IGF1R: variants seen among roughly 807,000 people sequenced by gnomAD.
IGF1R encodes the protein insulin like growth factor 1 receptor.
A neutral mutation model predicts 144.6 loss-of-function variants in IGF1R; 44 were observed. That is an observed-to-expected ratio of 0.30 (90% CI 0.24 to 0.39). The LOEUF (loss-of-function observed/expected upper bound fraction) is 0.39. Ranked by LOEUF, IGF1R falls within the 10% of genes least tolerant of loss-of-function variation. IGF1R has a pLI of 1.00. For synonymous variants in IGF1R, 795 were observed against 722.8 expected, an observed-to-expected ratio of 1.10 and a Z score of -1.60; for missense variants, 1,355 against 1,833.7, an observed-to-expected ratio of 0.74 and a Z score of 4.77.
chr15:98,649,525 C>CTTTTTTTTTTTTTTTTT lies in IGF1R; in HGVS notation c.-49_-33dup, dbSNP rs544674838. ...TCATTTCCTTTTTTTCTTTTCTTTT[C>CTTTTTTTTTTTTTTTTT]TTTTTTTTTTTTTTTTTTTTTTTTG... On this transcript the variant is annotated 5_prime_UTR_variant, in exon 1 of 21. Transcript: ENST00000650285. 6.5e-5 allele frequency: 47 copies of CTTTTTTTTTTTTTTTTT among 726,200 alleles called. No individual in the cohort carries two copies. Among genetic ancestry groups the CTTTTTTTTTTTTTTTTT allele is most frequent in the South Asian group, 1.8e-4 (10 of 56,204 alleles). 45.0% of individuals were successfully genotyped at this position (726,200 alleles called of 1,614,324 possible). A position where few individuals can be genotyped will look rare whatever the true frequency, so the allele number is the denominator to read the frequency against.
intron 2 of IGF1R, among the ~76,000 whole-genome samples, chr15:98,827,177 CAATG>C (rs1286308984): frequency 1.3e-5 from 2 of 152,138 alleles, no homozygotes; most frequent in African/African-American, 4.8e-5. Flanking sequence ...ATAAACATGA[CAATG>C]AAGTCTCATG....
chr15:98,859,760 C>T (rs1209720483), intron 2 of IGF1R, among the ~76,000 whole-genome samples: 1 of 152,086 alleles, frequency 6.6e-6, no homozygotes, highest in Non-Finnish European at 1.5e-5. Flanking sequence ...GATGTCCTAG[C>T]CTAAATATAA....
chr15:98,790,969 G>C (rs561703433), intron 2 of IGF1R, among the ~76,000 whole-genome samples: 1 of 152,272 alleles, frequency 6.6e-6, no homozygotes, highest in South Asian at 2.1e-4. Flanking sequence ...ATTGTGAGAT[G>C]CCTCTTCTCC....
chr15:98,776,644 C>T (rs981872057), intron 2 of IGF1R, among the ~76,000 whole-genome samples: 1 of 152,194 alleles, frequency 6.6e-6, no homozygotes, highest in African/African-American at 2.4e-5. Flanking sequence ...ATGTGAAGTT[C>T]CCCTACCTGC....
chr15:98,926,218 CAGAAAG>C (rs1478466269), intron 13 of IGF1R, among the ~76,000 whole-genome samples: 12 of 152,238 alleles, frequency 7.9e-5, no homozygotes, highest in African/African-American at 2.9e-4. Context: ...AAGCCAGACA[CAGAAAG>C]AGAAATACCA....
Position 98,931,423 on chromosome 15 carries a change from G to A in IGF1R, c.2956+1118G>A, listed in dbSNP as rs76452724. Reference sequence around the variant, plus strand: ...AATACTTTAATAATGTGAAAACACCGTTATACTATGTAGGGTTTTACTATG... The same window carrying A: ...AATACTTTAATAATGTGAAAACACCATTATACTATGTAGGGTTTTACTATG... On this transcript the variant is annotated intron_variant, in intron 15 of 20. Transcript: ENST00000650285. Among the ~76,000 whole-genome samples the A allele has an allele frequency of 3.4e-3, 519 of 152,264 alleles. 3 individuals carry two copies. Among genetic ancestry groups the A allele is most frequent in the African/African-American group, 0.012 (484 of 41,544 alleles).
rs548657736 is a variant in IGF1R at position 98,892,020 on chromosome 15, G to A, written c.953+383G>A. 3.3e-5 allele frequency among the ~76,000 whole-genome samples: 5 copies of A among 152,254 alleles called. No homozygotes were observed. The East Asian group carries it at 9.6e-4, about 29-fold the overall frequency. ...GGTGCTGCTAGCCAGGTGAGGCTTT[G>A]GAAGTGCAAAAGAAAAGACATGCTA... On this transcript the variant is annotated intron_variant, in intron 3 of 20. Coordinates refer to ENST00000650285, the MANE Select transcript of IGF1R (RefSeq NM_000875.5).
rs768179919 is a variant in IGF1R, at chr15:98,957,121, G to T, written c.3783G>T (p.Glu1261Asp). The change falls in exon 21 of 21, where the codon GAG (glutamate) becomes GAT (aspartate). Residue 1261 changes from glutamate (E) to aspartate (D), a missense_variant. Coordinates refer to ENST00000650285, the MANE Select transcript of IGF1R (RefSeq NM_000875.5). ...YNPKMRPSFL[E>D]IISSIKEEME... ...CCAAGATGAGGCCTTCCTTCCTGGA[G>T]ATCATCAGCAGCATCAAAGAGGAGA... 1 of 1,614,242 alleles carries T rather than the reference G, an allele frequency of 6.2e-7. No homozygotes were observed. Among genetic ancestry groups the T allele is most frequent in the South Asian group, 1.1e-5 (1 of 91,080 alleles).
chr15:98,649,607 C>A lies in IGF1R; in HGVS notation c.26C>A (p.Ser9Tyr), dbSNP rs755731481. 6.2e-7 allele frequency: 1 copy of A among 1,606,254 alleles called. No homozygotes were observed. The highest frequency in any genetic ancestry group is 8.5e-7 in the Non-Finnish European group (1 of 1,177,032). MKSGSGGG[S>Y]PTSLWGLLFL... is the part of the protein sequence containing the mutation. ...ATGAAGTCTGGCTCCGGAGGAGGGT[C>A]CCCGACCTCGCTGTGGGGGCTCCTG... The change falls in exon 1 of 21, where the codon TCC (serine) becomes TAC (tyrosine). Residue 9 changes from serine to tyrosine, a missense_variant. Transcript: ENST00000650285.
At chr15:98,690,665 A>C (rs892899489) in intron 1 of IGF1R, among the ~76,000 whole-genome samples, 1 of 152,228 alleles carries the variant, frequency 6.6e-6, no homozygotes, top group East Asian at 1.9e-4. Context: ...ATACACAGTT[A>C]CAGAGTAGAA....
At chr15:98,690,951 G>A (rs1274425292) in intron 1 of IGF1R, among the ~76,000 whole-genome samples, 1 of 152,162 alleles carries the variant, frequency 6.6e-6, no homozygotes, top group Non-Finnish European at 1.5e-5. Context: ...CATACTCACT[G>A]TTTCTTTAAA....
chr15:98,896,236 T>G (rs556248540), intron 3 of IGF1R, among the ~76,000 whole-genome samples: 1 of 152,336 alleles, frequency 6.6e-6, no homozygotes, highest in East Asian at 1.9e-4. Context: ...ACCACATGCC[T>G]TTTGGTATCC....
intron 2 of IGF1R, among the ~76,000 whole-genome samples, chr15:98,783,958 ATTTTTTTTTTTTTTTT>A (rs71149420): frequency 1.6e-4 from 9 of 54,742 alleles, no homozygotes; most frequent in Non-Finnish European, 2.1e-4. Context: ...GGCATCTGAA[ATTTTTTTTTTTTTTTT>A]TTTTTTTTTT....
intron 4 of IGF1R, chr15:98,897,276 T>A (rs778876358): frequency 1.2e-4 from 26 of 223,292 alleles, no homozygotes; most frequent in Non-Finnish European, 5.4e-5. Context: ...ATCTTTCAAG[T>A]CTAAAGAGTT....
At position 98,964,394 on chromosome 15, in the gene IGF1R, T is replaced by TG; in HGVS notation, c.*6954dup. On this transcript the variant is annotated 3_prime_UTR_variant, in exon 21 of 21. Coordinates refer to ENST00000650285, the MANE Select transcript of IGF1R (RefSeq NM_000875.5). ...TTATTCCTGTTATTGCGATATACTCTGGATTCTTTACATAATGGAAAAAAG... is the reference window on the plus strand; with the variant it reads ...TTATTCCTGTTATTGCGATATACTCTGGGATTCTTTACATAATGGAAAAAAG... The TG allele has an allele frequency of 4.3e-6, 1 of 230,580 alleles. No homozygotes were observed. The highest frequency in any genetic ancestry group is 8.6e-6 in the Non-Finnish European group (1 of 116,168). The allele number at this position is 230,580 out of a possible 1,614,324, so 14.3% of individuals were successfully genotyped here.
intron 2 of IGF1R, among the ~76,000 whole-genome samples, chr15:98,841,168 A>G (rs922491972): frequency 9.2e-5 from 14 of 152,204 alleles, no homozygotes; most frequent in African/African-American, 3.4e-4. Context: ...AGAAAAAAGA[A>G]AAGTATGTCC....
At chr15:98,822,625 T>C (rs1280258694) in intron 2 of IGF1R, among the ~76,000 whole-genome samples, 1 of 152,240 alleles carries the variant, frequency 6.6e-6, no homozygotes, top group Non-Finnish European at 1.5e-5. Flanking sequence ...GCATTTCTCC[T>C]ATGAGGAAGC....
chr15:98,916,479 C>G, intron 9 of IGF1R, 193 bp from the exon 10 acceptor site: 1 of 640,346 alleles, frequency 1.6e-6, no homozygotes, highest in Non-Finnish European at 2.8e-6. Flanking sequence ...CCAGGCTGGT[C>G]TGAAACTCCT....
At chr15:98,892,527 C>CAAAAAAA (rs368474118) in intron 3 of IGF1R, among the ~76,000 whole-genome samples, 3 of 75,582 alleles carry the variant, frequency 4.0e-5, no homozygotes, top group African/African-American at 1.5e-4. Flanking sequence ...ACTCTGTCTC[C>CAAAAAAA]AAAAAAAAAA....
Sources: gnomAD v4.1 joint callset for allele counts (sites outside exome capture counted in the v4.1 genomes callset) on GRCh38, gnomAD v4.1.1 for gene constraint, MANE v1.5 for transcripts, NCBI Gene and HGNC (gene_info 2026-07-23, HGNC 2026-07-21) for gene names.